The following NHSL1 variants were observed in gnomAD, a reference collection of about 807,000 sequenced individuals.
The protein encoded by NHSL1 is NHS like 1.
A neutral mutation model predicts 95.0 loss-of-function variants in NHSL1; 48 were observed. The observed-to-expected ratio is 0.51, with a 90% confidence interval of 0.40 to 0.64. The LOEUF (loss-of-function observed/expected upper bound fraction) is 0.64, where lower values mean the gene tolerates loss of function less well. Among genes scored for constraint, NHSL1 ranks in the 30% least tolerant of loss-of-function variants. NHSL1 has a pLI of 0.00. For missense variants in NHSL1, 1,971 were observed against 2,077.7 expected, an observed-to-expected ratio of 0.95 and a Z score of 1.00; for synonymous variants, 783 against 833.9, an observed-to-expected ratio of 0.94 and a Z score of 1.05.
rs1238260756 is a variant in NHSL1, at chr6:138,489,967, G to A, written c.211+6252C>T. ...GAGGGAGAGAAGGAGAGAGGGAGAG[G>A]GGGAGAGGGGGAGAGGGGGAGAGAG... On this transcript the variant is annotated intron_variant, in intron 2 of 7. Coordinates refer to ENST00000343505, the MANE Select transcript of NHSL1 (RefSeq NM_001144060.2). 7.9e-5 allele frequency among the ~76,000 whole-genome samples: 5 copies of A among 63,684 alleles called. 1 individual carries two copies. Among genetic ancestry groups the A allele is most frequent in the African/African-American group, 2.2e-4 (3 of 13,802 alleles). 41.8% of individuals were successfully genotyped at this position (63,684 alleles called of 152,430 possible).
At chr6:138,517,085 C>T (rs1421865432) in intron 1 of NHSL1, among the ~76,000 whole-genome samples, 1 of 152,192 alleles carries the variant, frequency 6.6e-6, no homozygotes, top group African/African-American at 2.4e-5. Context: ...AGTCTATCTT[C>T]TGCACAATGA....
At chr6:138,552,236 T>C (rs1298152211) in intron 1 of NHSL1, among the ~76,000 whole-genome samples, 1 of 152,136 alleles carries the variant, frequency 6.6e-6, no homozygotes, top group Non-Finnish European at 1.5e-5. Context: ...CTGGCCAACA[T>C]GGTGAAACCT....
chr6:138,554,355 T>A (rs77808082), intron 1 of NHSL1, among the ~76,000 whole-genome samples: 8,807 of 152,252 alleles, frequency 0.058, 364 homozygotes, highest in Non-Finnish European at 0.087. Context: ...CTCCTAAGCA[T>A]CTGAGTAATC....
chr6:138,540,400 A>G (rs1782533895), intron 1 of NHSL1, among the ~76,000 whole-genome samples: 1 of 152,218 alleles, frequency 6.6e-6, no homozygotes, highest in Non-Finnish European at 1.5e-5. Flanking sequence ...CTGATAGCTT[A>G]TTACCAGATT....
intron 3 of NHSL1, among the ~76,000 whole-genome samples, chr6:138,451,348 C>T (rs1243992092): frequency 6.6e-6 from 1 of 152,124 alleles, no homozygotes; most frequent in Admixed American, 6.6e-5. Flanking sequence ...CTTAAGAGTC[C>T]TCTTTTGTTG....
chr6:138,496,304 C>T lies in NHSL1; in HGVS notation c.126G>A (p.Glu42=). The T allele has an allele frequency of 6.4e-7, 1 of 1,550,900 alleles. No homozygotes were observed. Among genetic ancestry groups the T allele is most frequent in the Non-Finnish European group, 8.7e-7 (1 of 1,146,928 alleles). Residue 42 remains glutamate (E), a synonymous_variant, in exon 2 of 8, where the codon GAG becomes GAA. Coordinates refer to ENST00000343505, the MANE Select transcript of NHSL1 (RefSeq NM_001144060.2). ...VHYTAPWHQQ[E]NVFLPTTRPP... is the part of the protein sequence containing the mutation. ...GTCTTGTGGTGGGAAGGAACACATTCTCCTGCTGGTGCCACGGGGCAGTGT... is the reference window on the plus strand; with the variant it reads ...GTCTTGTGGTGGGAAGGAACACATTTTCCTGCTGGTGCCACGGGGCAGTGT...
intron 1 of NHSL1, among the ~76,000 whole-genome samples, chr6:138,626,893 C>CAAAAAAAAA (rs71009593): frequency 2.6e-4 from 2 of 7,772 alleles, no homozygotes; most frequent in African/African-American, 4.3e-4. Flanking sequence ...GACTCCGTCT[C>CAAAAAAAAA]AAAAAAAAAA....
At chr6:138,660,867 G>T (rs982053524) in intron 1 of NHSL1, among the ~76,000 whole-genome samples, 1 of 152,066 alleles carries the variant, frequency 6.6e-6, no homozygotes, top group African/African-American at 2.4e-5. Context: ...GCTGAGGCTG[G>T]TGGACCATGA....
chr6:138,692,975 G>T (rs1162404976), upstream of NHSL1, among the ~76,000 whole-genome samples: 1 of 151,114 alleles, frequency 6.6e-6, no homozygotes, highest in Non-Finnish European at 1.5e-5. The surrounding 1 kb of genome is among the most constrained non-coding windows in gnomAD (Gnocchi z 4.0). Flanking sequence ...GCGGCGCGGG[G>T]CAGGAATGGG....
intron 1 of NHSL1, among the ~76,000 whole-genome samples, chr6:138,624,345 A>C (rs914681218): frequency 1.3e-5 from 2 of 152,124 alleles, no homozygotes; most frequent in African/African-American, 2.4e-5. Context: ...AAAAGCAAGG[A>C]ATTTGAAAGC....
chr6:138,609,605 C>T (rs895759583), intron 1 of NHSL1, among the ~76,000 whole-genome samples: 3 of 151,956 alleles, frequency 2.0e-5, no homozygotes, highest in African/African-American at 4.8e-5. Flanking sequence ...AAAAAATTAG[C>T]CAGGCCTGGT....
intron 1 of NHSL1, among the ~76,000 whole-genome samples, chr6:138,545,438 C>T (rs1782752605): frequency 6.6e-6 from 1 of 152,182 alleles, no homozygotes; most frequent in Non-Finnish European, 1.5e-5. Flanking sequence ...TCCATCTCCC[C>T]AGCAGGAGGT....
intron 1 of NHSL1, among the ~76,000 whole-genome samples, chr6:138,618,491 C>A (rs139201015): frequency 6.6e-6 from 1 of 152,190 alleles, no homozygotes; most frequent in Non-Finnish European, 1.5e-5. Context: ...CTGAGAGCAA[C>A]GGTTTTTCTG....
chr6:138,452,773 A>G (rs543277415), intron 3 of NHSL1, among the ~76,000 whole-genome samples: 28 of 151,952 alleles, frequency 1.8e-4, no homozygotes, highest in African/African-American at 6.5e-4. Flanking sequence ...TGTCTTTAGT[A>G]GATTTAGACA....
chr6:138,608,466 A>T (rs1014640062), intron 1 of NHSL1, among the ~76,000 whole-genome samples: 1 of 152,240 alleles, frequency 6.6e-6, no homozygotes, highest in Non-Finnish European at 1.5e-5. Context: ...TGAAAATTTT[A>T]AAATGAGTTT....
intron 1 of NHSL1, among the ~76,000 whole-genome samples, chr6:138,612,378 G>A (rs1583449041): frequency 6.6e-6 from 1 of 152,166 alleles, no homozygotes. Context: ...ACAACTAAGT[G>A]CCCGGGGAAG....
chr6:138,536,535 T>C (rs1782349800), intron 1 of NHSL1, among the ~76,000 whole-genome samples: 1 of 151,484 alleles, frequency 6.6e-6, no homozygotes, highest in South Asian at 2.1e-4. Flanking sequence ...ATCACAAATT[T>C]AATCATCTGC....
chr6:138,465,305 G>A (rs1647354544), intron 3 of NHSL1, among the ~76,000 whole-genome samples: 1 of 152,008 alleles, frequency 6.6e-6, no homozygotes, highest in Admixed American at 6.6e-5. Flanking sequence ...CCTTAAAGGG[G>A]TGTGATGCAT....
intron 1 of NHSL1, among the ~76,000 whole-genome samples, chr6:138,627,053 ATTTC>A (rs1784749816): frequency 6.6e-6 from 1 of 152,182 alleles, no homozygotes; most frequent in Non-Finnish European, 1.5e-5. Flanking sequence ...AACATTTGCC[ATTTC>A]TTTCTATTCT....
Sources: gnomAD v4.1 joint callset for allele counts (sites outside exome capture counted in the v4.1 genomes callset) on GRCh38, gnomAD v4.1.1 for gene constraint, Gnocchi (gnomAD v3.1) non-coding constraint, MANE v1.5 for transcripts, NCBI Gene and HGNC (gene_info 2026-07-23, HGNC 2026-07-21) for gene names.